Variants in NCKAP5 observed in about 807,000 individuals in gnomAD.
NCKAP5 encodes NCK associated protein 5, also known as nck-associated protein 5.
In NCKAP5, 92 loss-of-function variants were observed where a neutral mutation model predicts 167.0. The ratio of observed to expected loss-of-function variants is 0.55; its 90% CI spans 0.47 to 0.66. NCKAP5 has a LOEUF of 0.66. Ranked by LOEUF, NCKAP5 falls within the 30% of genes least tolerant of loss-of-function variation. The pLI is 0.00. For missense variants in NCKAP5, 2,378 were observed against 2,315.0 expected (o/e 1.03, Z -0.56); for synonymous variants, 891 against 877.4 (o/e 1.02, Z -0.27).
intron 4 of NCKAP5, among the ~76,000 whole-genome samples, chr2:133,246,126 A>G (rs2087977570): frequency 6.6e-6 from 1 of 152,124 alleles, no homozygotes; most frequent in South Asian, 2.1e-4. Context: ...ACCCAGCAAT[A>G]GGAATGATTC....
intron 19 of NCKAP5, among the ~76,000 whole-genome samples, chr2:132,692,525 T>C (rs1310724813): frequency 6.6e-6 from 1 of 152,134 alleles, no homozygotes; most frequent in East Asian, 1.9e-4. Context: ...AGGGACCTTG[T>C]CTTTTTTTTT....
At chr2:132,932,640 T>C (rs1696478087) in intron 8 of NCKAP5, among the ~76,000 whole-genome samples, 1 of 152,208 alleles carries the variant, frequency 6.6e-6, no homozygotes, top group Admixed American at 6.5e-5. Flanking sequence ...CTAGCTGTTT[T>C]CTTGTGTCTG....
At chr2:132,944,126 A>G (rs1041857175) in intron 8 of NCKAP5, among the ~76,000 whole-genome samples, 1 of 152,184 alleles carries the variant, frequency 6.6e-6, no homozygotes, top group Admixed American at 6.5e-5. Context: ...ATAACGCAAG[A>G]GCAGGAAAAA....
chr2:133,324,165 G>A (rs1682268451), intron 3 of NCKAP5, among the ~76,000 whole-genome samples: 1 of 152,130 alleles, frequency 6.6e-6, no homozygotes, highest in South Asian at 2.1e-4. Context: ...CACCTATCCC[G>A]GCACAAGCCA....
At chr2:133,135,963 A>G (rs1202145161) in intron 5 of NCKAP5, among the ~76,000 whole-genome samples, 1 of 152,216 alleles carries the variant, frequency 6.6e-6, no homozygotes, top group Non-Finnish European at 1.5e-5. Flanking sequence ...CATATTAAAG[A>G]TAATCATAGA....
chr2:132,883,505 C>T (rs1397127211), intron 8 of NCKAP5, among the ~76,000 whole-genome samples: 2 of 152,168 alleles, frequency 1.3e-5, no homozygotes, highest in African/African-American at 4.8e-5. Flanking sequence ...CCTTCACAAC[C>T]ACGTCTCCAC....
intron 6 of NCKAP5, among the ~76,000 whole-genome samples, chr2:133,044,084 A>T (rs1394736928): frequency 6.6e-6 from 1 of 152,172 alleles, no homozygotes; most frequent in Non-Finnish European, 1.5e-5. Context: ...AATAGGAAAA[A>T]GATAGGCTGC....
At chr2:133,197,261 G>A (rs1574346843) in intron 5 of NCKAP5, among the ~76,000 whole-genome samples, 2 of 152,194 alleles carry the variant, frequency 1.3e-5, no homozygotes, top group East Asian at 3.9e-4. Context: ...CCACAAAGAA[G>A]ACCAGAGACG....
intron 2 of NCKAP5, among the ~76,000 whole-genome samples, chr2:133,556,352 G>A (rs1312422856): frequency 2.0e-5 from 3 of 152,142 alleles, no homozygotes; most frequent in Non-Finnish European, 4.4e-5. Context: ...ACTGTAGAAT[G>A]TTCACGATCC....
intron 8 of NCKAP5, among the ~76,000 whole-genome samples, chr2:132,963,111 A>G (rs1193409298): frequency 1.3e-5 from 2 of 151,984 alleles, no homozygotes; most frequent in Non-Finnish European, 2.9e-5. Context: ...ATAAAAATTC[A>G]TGAATTAACA....
At chr2:133,465,958 T>C (rs1299463554) in intron 3 of NCKAP5, among the ~76,000 whole-genome samples, 2 of 151,456 alleles carry the variant, frequency 1.3e-5, no homozygotes, top group Non-Finnish European at 2.9e-5. Context: ...ATGTTGTAGG[T>C]TGCCTGTTCA....
At chr2:132,705,234 C>T (rs1688241750) in intron 19 of NCKAP5, among the ~76,000 whole-genome samples, 1 of 151,998 alleles carries the variant, frequency 6.6e-6, no homozygotes, top group South Asian at 2.1e-4. Flanking sequence ...TTACTTCCAT[C>T]AGCATACAAT....
At chr2:133,443,484 C>T (rs1018846376) in intron 3 of NCKAP5, among the ~76,000 whole-genome samples, 1 of 152,152 alleles carries the variant, frequency 6.6e-6, no homozygotes, top group Non-Finnish European at 1.5e-5. Flanking sequence ...TGGTAGGAAA[C>T]TTCCTGTTTC....
chr2:133,333,659 A>G (rs1447923050), intron 3 of NCKAP5, among the ~76,000 whole-genome samples: 1 of 152,152 alleles, frequency 6.6e-6, no homozygotes, highest in Non-Finnish European at 1.5e-5. Context: ...ATTTTCCATA[A>G]TCATATATAA....
intron 7 of NCKAP5, among the ~76,000 whole-genome samples, chr2:132,981,119 C>T (rs2077126285): frequency 6.6e-6 from 1 of 152,152 alleles, no homozygotes; most frequent in Non-Finnish European, 1.5e-5. Flanking sequence ...AGCACCTGTA[C>T]ATTTTGTAAT....
intron 8 of NCKAP5, among the ~76,000 whole-genome samples, chr2:132,937,144 G>A (rs1040045728): frequency 5.9e-5 from 9 of 152,084 alleles, no homozygotes; most frequent in African/African-American, 1.4e-4. Context: ...CCATAAATAC[G>A]TCAATGCCCA....
chr2:132,831,602 G>GT (rs1687527142), intron 11 of NCKAP5, among the ~76,000 whole-genome samples: 1 of 151,952 alleles, frequency 6.6e-6, no homozygotes, highest in Non-Finnish European at 1.5e-5. Context: ...TTATTGACTG[G>GT]TAGGGGCTCT....
intron 4 of NCKAP5, among the ~76,000 whole-genome samples, chr2:133,242,253 TC>T (rs771849729): frequency 0.023 from 3,334 of 143,464 alleles, 117 homozygotes; most frequent in African/African-American, 0.087. Flanking sequence ...TCTTTTCTTT[TC>T]TTTTCTTTTT....
intron 4 of NCKAP5, among the ~76,000 whole-genome samples, chr2:133,299,643 C>T (rs553346879): frequency 8.9e-4 from 136 of 152,108 alleles, no homozygotes; most frequent in Non-Finnish European, 1.6e-3. Flanking sequence ...CCCAGCTACA[C>T]GGGAGGCTGA....
Sources: allele counts gnomAD v4.1 joint callset (sites outside exome capture counted in the v4.1 genomes callset), GRCh38; gene constraint gnomAD v4.1.1; transcripts MANE v1.5; gene names NCBI Gene and HGNC (gene_info 2026-07-23, HGNC 2026-07-21).